PIAS1: variants seen among roughly 807,000 people sequenced by gnomAD.
The protein encoded by PIAS1 is protein inhibitor of activated STAT 1, also known as E3 SUMO-protein ligase PIAS1.
Under a neutral mutation model 71.3 loss-of-function variants are expected in PIAS1, and 6 were observed. The ratio of observed to expected loss-of-function variants is 0.08; its 90% CI spans 0.05 to 0.17. The LOEUF is 0.17. PIAS1 is among the 10% of genes least tolerant of loss of function. The pLI is 1.00. For missense variants in PIAS1, 555 were observed against 793.6 expected, an observed-to-expected ratio of 0.70 and a Z score of 3.61; for synonymous variants, 303 against 292.9, an observed-to-expected ratio of 1.03 and a Z score of -0.35.
At chr15:68,122,197 A>G (rs1287163217) in intron 2 of PIAS1, among the ~76,000 whole-genome samples, 4 of 152,114 alleles carry the variant, frequency 2.6e-5, no homozygotes, top group Admixed American at 2.6e-4. Flanking sequence ...TTGCTAGAAA[A>G]CAGTATTCTC....
chr15:68,121,186 C>T (rs1482683805), intron 2 of PIAS1, among the ~76,000 whole-genome samples: 1 of 151,300 alleles, frequency 6.6e-6, no homozygotes, highest in African/African-American at 2.4e-5. Context: ...TTTTGTATGT[C>T]TCAGAGTTTT....
chr15:68,122,949 C>T (rs1356995823), intron 2 of PIAS1, among the ~76,000 whole-genome samples: 1 of 149,594 alleles, frequency 6.7e-6, no homozygotes, highest in Non-Finnish European at 1.5e-5. Context: ...GAAGTATCTG[C>T]AAGAATTGAG....
chr15:68,182,487 C>CTGTGTGTGTGTGTG (rs1324738147), intron 12 of PIAS1, among the ~76,000 whole-genome samples: 1 of 13,154 alleles, frequency 7.6e-5, no homozygotes, highest in African/African-American at 3.1e-4. Flanking sequence ...ATTGCTCAGG[C>CTGTGTGTGTGTGTG]TGCGTGTGTG....
rs541681112 is a variant in PIAS1, at chr15:68,186,462, T to A, written c.1663-1080T>A. On this transcript the variant is annotated intron_variant, in intron 13 of 13. Coordinates refer to ENST00000249636, the MANE Select transcript of PIAS1 (RefSeq NM_016166.3). This position sits in a 1 kb window ranked among gnomAD's most constrained non-coding sequence, Gnocchi z 4.4. ...TTAAGTGTTACAAGAGTCAAAGTTT[T>A]AAAAAATCAGTTTATAAAGTAAAAT... Among the ~76,000 whole-genome samples, 1 of 152,394 alleles carries A rather than the reference T, an allele frequency of 6.6e-6. No homozygotes were observed. Among genetic ancestry groups the A allele is most frequent in the South Asian group, 2.1e-4 (1 of 4,832 alleles).
intron 2 of PIAS1, among the ~76,000 whole-genome samples, chr15:68,126,912 G>C (rs1454196588): frequency 3.3e-5 from 5 of 151,154 alleles, no homozygotes; most frequent in Non-Finnish European, 7.4e-5. Flanking sequence ...TGGCATGTCT[G>C]TTCATTTTTT....
intron 1 of PIAS1, among the ~76,000 whole-genome samples, chr15:68,084,118 A>C (rs2092256587): frequency 6.6e-6 from 1 of 152,188 alleles, no homozygotes; most frequent in Middle Eastern, 3.2e-3. Context: ...TTGCATCTGA[A>C]TCTTTGTACC....
intron 2 of PIAS1, among the ~76,000 whole-genome samples, chr15:68,092,454 T>C (rs1342739147): frequency 8.5e-5 from 13 of 152,184 alleles, no homozygotes; most frequent in Admixed American, 8.5e-4. Flanking sequence ...ATTACAGGTG[T>C]GAGCCACCGC....
intron 1 of PIAS1, among the ~76,000 whole-genome samples, chr15:68,071,986 T>G (rs2092101955): frequency 6.6e-6 from 1 of 151,464 alleles, no homozygotes; most frequent in Admixed American, 6.6e-5. Context: ...ACTGGGATAT[T>G]CTTTGAAGCA....
In PIAS1 at chr15:68,191,923, T is replaced by C. The variant is rs1367569743; in HGVS notation, c.*4088T>C. The C allele has an allele frequency of 6.6e-6, 1 of 152,234 alleles. No individual in the cohort carries two copies. The highest frequency in any genetic ancestry group is 2.4e-5 in the African/African-American group (1 of 41,456). 9.4% of individuals were successfully genotyped at this position (152,234 alleles called of 1,614,324 possible). A position where few individuals can be genotyped will look rare whatever the true frequency, so the allele number is the denominator to read the frequency against. ...CGTGAAGAGGAGCCCCAGGTTCTAA[T>C]GACCATTCCACACCAACTGTGTGTT... On this transcript the variant is annotated 3_prime_UTR_variant, in exon 14 of 14. Coordinates refer to ENST00000249636, the MANE Select transcript of PIAS1 (RefSeq NM_016166.3).
In PIAS1 at chr15:68,054,570, G is replaced by T; in HGVS notation, c.24+220G>T. ...GGGGCGCTGACGGGTCGTCCCCGGC[G>T]TGTTATTGTTGTGGGCGCCTCTGGC... On this transcript the variant is annotated intron_variant, in intron 1 of 13. Coordinates refer to ENST00000249636, the MANE Select transcript of PIAS1 (RefSeq NM_016166.3). This position sits in a 1 kb window ranked among gnomAD's most constrained non-coding sequence, Gnocchi z 4.6. 1 of 480,220 alleles carries T rather than the reference G, an allele frequency of 2.1e-6. No homozygotes were observed. Among genetic ancestry groups the T allele is most frequent in the Non-Finnish European group, 3.7e-6 (1 of 271,654 alleles). The allele number at this position is 480,220 out of a possible 1,614,324, so 29.7% of individuals were successfully genotyped here.
chr15:68,118,594 A>T (rs890367980), intron 2 of PIAS1, among the ~76,000 whole-genome samples: 13 of 152,114 alleles, frequency 8.5e-5, no homozygotes, highest in African/African-American at 3.1e-4. Flanking sequence ...CTCCCACCTC[A>T]GTCTCCTGAG....
chr15:68,095,410 T>C (rs1223672431), intron 2 of PIAS1, among the ~76,000 whole-genome samples: 2 of 151,980 alleles, frequency 1.3e-5, no homozygotes, highest in Non-Finnish European at 2.9e-5. Context: ...ATGGGGTAGA[T>C]AGGATAATGT....
chr15:68,122,065 G>T (rs1158521703), intron 2 of PIAS1, among the ~76,000 whole-genome samples: 1 of 152,176 alleles, frequency 6.6e-6, no homozygotes, highest in East Asian at 1.9e-4. Flanking sequence ...GAAGATGGAG[G>T]TTGCAGTGAG....
At position 68,098,470 on chromosome 15, in the gene PIAS1, T is replaced by C. The variant is rs532435068; in HGVS notation, c.469+11720T>C. On this transcript the variant is annotated intron_variant, in intron 2 of 13. Transcript: ENST00000249636. ...GAGGTGACAGAGGTGGAAGAAAATC[T>C]GTGTATAAATGGACCCACACAGTTA... 2.0e-5 allele frequency among the ~76,000 whole-genome samples: 3 copies of C among 152,328 alleles called. No homozygotes were observed. In the East Asian group the frequency reaches 5.8e-4, roughly 29 times the overall value.
In PIAS1 at chr15:68,145,991, T is replaced by C. The variant is rs913912650; in HGVS notation, c.693+85T>C. 3.5e-6 allele frequency: 3 copies of C among 846,964 alleles called. No individual in the cohort carries two copies. In the African/African-American group the frequency reaches 5.1e-5, roughly 14 times the overall value. The allele number at this position is 846,964 out of a possible 1,614,324, so 52.5% of individuals were successfully genotyped here. A position where few individuals can be genotyped will look rare whatever the true frequency, so the allele number is the denominator to read the frequency against. ...CACAACTGTTGTTAAATCATAGTTT[T>C]TCCTTAAGAAAACATTTTTATTTTG... On this transcript the variant is annotated intron_variant, in intron 5 of 13. Coordinates refer to ENST00000249636, the MANE Select transcript of PIAS1 (RefSeq NM_016166.3).
intron 2 of PIAS1, among the ~76,000 whole-genome samples, chr15:68,112,303 A>G (rs573136416): frequency 2.2e-4 from 34 of 152,160 alleles, no homozygotes; most frequent in African/African-American, 7.9e-4. Context: ...TCAGTCCCCC[A>G]TCTTAAAAAA....
At chr15:68,079,536 A>G (rs750078051) in intron 1 of PIAS1, among the ~76,000 whole-genome samples, 4 of 152,138 alleles carry the variant, frequency 2.6e-5, no homozygotes, top group Non-Finnish European at 5.9e-5. Context: ...GTGTGATCAC[A>G]GCTTACCACA....
intron 1 of PIAS1, among the ~76,000 whole-genome samples, chr15:68,084,716 C>G (rs2092263391): frequency 6.6e-6 from 1 of 152,166 alleles, no homozygotes; most frequent in East Asian, 1.9e-4. Flanking sequence ...AGAGTTTCCA[C>G]TGTTGTCAGG....
At chr15:68,134,956 C>T (rs192050067) in intron 2 of PIAS1, among the ~76,000 whole-genome samples, 306 of 29,192 alleles carry the variant, frequency 0.01, no homozygotes, top group African/African-American at 0.019. Flanking sequence ...ACGGGGCGGC[C>T]GGCCGGGGGG....
Sources: allele counts gnomAD v4.1 joint callset (sites outside exome capture counted in the v4.1 genomes callset), GRCh38; gene constraint gnomAD v4.1.1; non-coding constraint Gnocchi (gnomAD v3.1); transcripts MANE v1.5; gene names NCBI Gene and HGNC (gene_info 2026-07-23, HGNC 2026-07-21).